The following FAM186B variants were observed in gnomAD, a reference collection of about 807,000 sequenced individuals.
FAM186B encodes the protein protein FAM186B.
FAM186B carries 68 observed loss-of-function variants against 83.4 expected under a neutral mutation model. The ratio of observed to expected loss-of-function variants is 0.81; its 90% CI spans 0.67 to 1.00. The LOEUF is 1.00. Ranked by LOEUF, FAM186B falls within the 50% of genes least tolerant of loss-of-function variation. The pLI, the probability that FAM186B is intolerant of heterozygous loss-of-function variation, is 0.00. For synonymous variants in FAM186B, 389 were observed against 422.0 expected (o/e 0.92, Z 0.96); for missense variants, 983 against 1,099.2 (o/e 0.89, Z 1.49).
At chr12:49,618,393 T>A in the FAM186B span, among the ~76,000 whole-genome samples, 1 of 150,446 alleles carries the variant, frequency 6.6e-6, no homozygotes, top group Admixed American at 6.6e-5. Flanking sequence ...ATGTACCACC[T>A]GAACAGAGAA....
rs1056323465 is a variant in FAM186B at position 49,604,243 on chromosome 12, G to A, written c.322+70C>T. On this transcript the variant is annotated intron_variant, in intron 2 of 6. Coordinates refer to ENST00000257894, the MANE Select transcript of FAM186B (RefSeq NM_032130.3). Reference sequence around the variant, plus strand: ...TTCACTGGAGAAGGGGATGTGTCCTGTGCTGTCCCTGTGCTCGCCACCCAC... The same window carrying A: ...TTCACTGGAGAAGGGGATGTGTCCTATGCTGTCCCTGTGCTCGCCACCCAC... 5.7e-6 allele frequency: 7 copies of A among 1,225,098 alleles called. No homozygotes were observed. In the African/African-American group the frequency reaches 1.0e-4, roughly 18 times the overall value. 75.9% of individuals were successfully genotyped at this position (1,225,098 alleles called of 1,614,324 possible).
chr12:49,583,141 G>T (rs1318563036), downstream of FAM186B: 1 of 445,952 alleles, frequency 2.2e-6, no homozygotes, highest in Admixed American at 2.5e-5. Context: ...GAAAATATGG[G>T]TGCCAAAATA....
intron 5 of FAM186B, among the ~76,000 whole-genome samples, chr12:49,592,576 G>A (rs1939605513): frequency 6.6e-6 from 1 of 152,176 alleles, no homozygotes; most frequent in African/African-American, 2.4e-5. Context: ...ATGAGGCCAG[G>A]AGTTCGAGAC....
the FAM186B span, among the ~76,000 whole-genome samples, chr12:49,620,342 G>C: frequency 6.6e-6 from 1 of 152,096 alleles, no homozygotes; most frequent in South Asian, 2.1e-4. Context: ...TGCCTGTCTT[G>C]TGGACTGGCT....
At chr12:49,598,397 C>G (rs1939776520) in intron 5 of FAM186B, among the ~76,000 whole-genome samples, 1 of 152,222 alleles carries the variant, frequency 6.6e-6, no homozygotes, top group Non-Finnish European at 1.5e-5. Context: ...AGGAGCAAGG[C>G]ACGGAGAACC....
the FAM186B span, among the ~76,000 whole-genome samples, chr12:49,617,511 T>G: frequency 2.0e-5 from 3 of 152,328 alleles, no homozygotes; most frequent in African/African-American, 7.2e-5. Context: ...ACCACTGCAC[T>G]CTAGCCTGGG....
chr12:49,621,099 G>C, the FAM186B span, among the ~76,000 whole-genome samples: 1 of 152,110 alleles, frequency 6.6e-6, no homozygotes. Flanking sequence ...GAAGAGTGAG[G>C]CAGCCAGGCA....
intron 5 of FAM186B, chr12:49,594,251 A>C (rs1451524541): frequency 4.2e-6 from 1 of 236,738 alleles, no homozygotes; most frequent in Non-Finnish European, 9.4e-6. Flanking sequence ...GTGGGTTTTG[A>C]TGCTCAGTGA....
chr12:49,586,023 AG>A (rs149553474), downstream of FAM186B, among the ~76,000 whole-genome samples: 1,241 of 152,300 alleles, frequency 8.1e-3, 5 homozygotes, highest in Non-Finnish European at 0.014. Context: ...CCTGACACGC[AG>A]GGAGGTGGTG....
At position 49,587,639 on chromosome 12, in the gene FAM186B, G is replaced by C; in HGVS notation, c.2648C>G (p.Pro883Arg). 6.2e-7 allele frequency: 1 copy of C among 1,613,538 alleles called. No individual in the cohort carries two copies. The highest frequency in any genetic ancestry group is 1.3e-5 in the African/African-American group (1 of 74,996). ...CAGTGTCAACAGCCGGGGAATATCTGGGTGTCCCCTCAGCTGGTCCCGGGG... is the reference window on the plus strand; with the variant it reads ...CAGTGTCAACAGCCGGGGAATATCTCGGTGTCCCCTCAGCTGGTCCCGGGG... The part of the protein sequence containing the change: ...SLPRDQLRGH[P>R]DIPRLLTLDV The change falls in exon 7 of 7, where the codon CCA (proline) becomes CGA (arginine). Residue 883 changes from proline (P) to arginine (R), a missense_variant. By Grantham distance (103) the Pro-to-Arg change is moderately radical. Coordinates refer to ENST00000257894, the MANE Select transcript of FAM186B (RefSeq NM_032130.3).
the FAM186B span, chr12:49,619,755 A>G: frequency 3.6e-6 from 1 of 277,584 alleles, no homozygotes; most frequent in South Asian, 5.1e-5. Context: ...GCTCACTGCA[A>G]CCTCTGCCTC....
In FAM186B at chr12:49,605,442, G is replaced by A. The variant is rs771590278; in HGVS notation, c.36C>T (p.Pro12=). The change falls in exon 1 of 7, where the codon CCC becomes CCT. Residue 12 remains proline, a synonymous_variant. Coordinates refer to ENST00000257894, the MANE Select transcript of FAM186B (RefSeq NM_032130.3). ...TCAGGATGATGGCTTTCACTGATGT[G>A]GGAGTCACCAACTGTGGGGGGTCAT... is the stretch of plus-strand genomic sequence containing the variant. The part of the protein sequence containing the change: ...EKDDPPQLVT[P]TSVKAIILRI... 4 of 1,613,852 alleles carry A rather than the reference G, an allele frequency of 2.5e-6. No individual in the cohort carries two copies. The highest frequency in any genetic ancestry group is 1.1e-5 in the South Asian group (1 of 90,946).
At chr12:49,614,418 T>A in the FAM186B span, among the ~76,000 whole-genome samples, 4 of 152,302 alleles carry the variant, frequency 2.6e-5, no homozygotes, top group African/African-American at 4.8e-5. Flanking sequence ...TGAAATAATG[T>A]CCTTTGCAAC....
the FAM186B span, among the ~76,000 whole-genome samples, chr12:49,620,221 T>C: frequency 6.6e-6 from 1 of 152,164 alleles, no homozygotes; most frequent in East Asian, 1.9e-4. Flanking sequence ...ATAAAATTAG[T>C]TCTAAAGAAG....
At chr12:49,621,094 G>C in the FAM186B span, among the ~76,000 whole-genome samples, 43 of 152,298 alleles carry the variant, frequency 2.8e-4, no homozygotes, top group African/African-American at 9.9e-4. Context: ...CCACAGAAGA[G>C]TGAGGCAGCC....
intron 5 of FAM186B, among the ~76,000 whole-genome samples, chr12:49,589,709 G>A (rs575749539): frequency 2.6e-5 from 4 of 151,950 alleles, no homozygotes; most frequent in South Asian, 4.2e-4. Flanking sequence ...AAGGCTGGGC[G>A]CGGTGGCTCA....
rs1482827940 is a variant in FAM186B, at chr12:49,598,845, ACT to A, written c.2272_2273del (p.Leu759GlnfsTer42). ...IFLENIDRLQ[S>X]LRLQAWTDKQ... ...TGTCCGTCCAGGCCTGCAGCCTGAG[ACT>A]CTGCAGGCGGTCAATGTTTTCCAGG... is the stretch of plus-strand genomic sequence containing the variant. On this transcript the variant is annotated frameshift_variant, in exon 5 of 7. Transcript: ENST00000257894. LOFTEE classifies it high-confidence loss of function. 1.2e-6 allele frequency: 2 copies of A among 1,609,296 alleles called. No individual in the cohort carries two copies. Among genetic ancestry groups the A allele is most frequent in the African/African-American group, 1.4e-5 (1 of 73,208 alleles).
At chr12:49,622,200 C>A in the FAM186B span, among the ~76,000 whole-genome samples, 5 of 150,692 alleles carry the variant, frequency 3.3e-5, no homozygotes, top group East Asian at 9.9e-4. Flanking sequence ...GGTGGTCCGT[C>A]CTCCTCCCCC....
At chr12:49,612,260 C>T in the FAM186B span, among the ~76,000 whole-genome samples, 1 of 152,126 alleles carries the variant, frequency 6.6e-6, no homozygotes, top group South Asian at 2.1e-4. Flanking sequence ...CATAATGATA[C>T]CAACAGGCTT....
Sources: allele counts gnomAD v4.1 joint callset (sites outside exome capture counted in the v4.1 genomes callset), GRCh38; gene constraint gnomAD v4.1.1; transcripts MANE v1.5; gene names NCBI Gene and HGNC (gene_info 2026-07-23, HGNC 2026-07-21).